The following ARMC10 variants were observed in gnomAD, a reference collection of about 807,000 sequenced individuals.
The protein encoded by ARMC10 is armadillo repeat-containing protein 10.
Under a neutral mutation model 30.2 loss-of-function variants are expected in ARMC10, and 23 were observed. The observed-to-expected ratio is 0.76, with a 90% confidence interval of 0.55 to 1.08. The LOEUF is 1.08. ARMC10 is among the 50% of genes least tolerant of loss of function. ARMC10 has a pLI of 0.00. For missense variants in ARMC10, 303 were observed against 413.7 expected (o/e 0.73, Z 2.32); for synonymous variants, 111 against 164.4 (o/e 0.68, Z 2.48).
intron 5 of ARMC10, among the ~76,000 whole-genome samples, chr7:103,093,151 C>T (rs1393292894): frequency 1.3e-5 from 2 of 152,006 alleles, no homozygotes; most frequent in Non-Finnish European, 2.9e-5. Flanking sequence ...TAGGAGATGC[C>T]CTATAAAAAG....
chr7:103,084,802 T>G (rs1461731445), intron 3 of ARMC10, among the ~76,000 whole-genome samples: 2 of 152,228 alleles, frequency 1.3e-5, no homozygotes, highest in East Asian at 1.9e-4. Context: ...TCTCTAAGCC[T>G]TCATCTCTGT....
intron 4 of ARMC10, among the ~76,000 whole-genome samples, 154 bp from the exon 5 acceptor site, chr7:103,092,323 T>C (rs1238312997): frequency 1.1e-5 from 1 of 91,524 alleles, no homozygotes; most frequent in African/African-American, 4.1e-5. Context: ...ACAGCGAGAC[T>C]CCGTCTCAAA....
At chr7:103,091,534 C>G (rs898744558) in intron 4 of ARMC10, among the ~76,000 whole-genome samples, 1 of 151,826 alleles carries the variant, frequency 6.6e-6, no homozygotes, top group Non-Finnish European at 1.5e-5. Context: ...AAATAAGAAC[C>G]TTAGGCCAAG....
chr7:103,098,608 C>T lies in ARMC10; in HGVS notation c.*55C>T, dbSNP rs1434383906. On this transcript the variant is annotated 3_prime_UTR_variant, in exon 7 of 7. Coordinates refer to ENST00000323716, the MANE Select transcript of ARMC10 (RefSeq NM_031905.5). ...GTCTGGATATAAACGTATTTTCTGT[C>T]TTCCTTATAAGGGGATTCTCCCAGC... 3 of 1,496,840 alleles carry T rather than the reference C, an allele frequency of 2.0e-6. No homozygotes were observed. The highest frequency in any genetic ancestry group is 1.8e-6 in the Non-Finnish European group (2 of 1,123,634). The allele number at this position is 1,496,840 out of a possible 1,614,324, so 92.7% of individuals were successfully genotyped here. A position where few individuals can be genotyped will look rare whatever the true frequency, so the allele number is the denominator to read the frequency against.
chr7:103,094,007 TACA>T (rs1460608031), intron 5 of ARMC10, among the ~76,000 whole-genome samples: 1 of 152,230 alleles, frequency 6.6e-6, no homozygotes, highest in Non-Finnish European at 1.5e-5. Flanking sequence ...ACCTACCAAT[TACA>T]ACATTGATTT....
intron 5 of ARMC10, chr7:103,095,714 G>C (rs1801700975): frequency 6.6e-6 from 1 of 152,138 alleles, no homozygotes; most frequent in Non-Finnish European, 1.5e-5. Context: ...ACTGGATTAA[G>C]AAAATGTGGC....
chr7:103,097,450 C>T (rs1801849665), intron 6 of ARMC10, 102 bp downstream of exon 6: 2 of 858,912 alleles, frequency 2.3e-6, no homozygotes, highest in Non-Finnish European at 3.7e-6. Context: ...CAGGGATTCT[C>T]TCTGAGGAGC....
At chr7:103,092,862 T>C (rs1269494114) in intron 5 of ARMC10, among the ~76,000 whole-genome samples, 1 of 152,226 alleles carries the variant, frequency 6.6e-6, no homozygotes, top group Non-Finnish European at 1.5e-5. Context: ...TCCTGTTCAT[T>C]TGGTTTTCTG....
At chr7:103,075,552 C>A in intron 1 of ARMC10, 141 bp downstream of exon 1, 1 of 1,070,244 alleles carries the variant, frequency 9.3e-7, no homozygotes, top group Non-Finnish European at 1.2e-6. Flanking sequence ...GTGCAGGGTG[C>A]TGCGCCGCCC....
intron 5 of ARMC10, among the ~76,000 whole-genome samples, chr7:103,095,352 C>T (rs530785544): frequency 6.6e-6 from 1 of 152,298 alleles, no homozygotes; most frequent in Non-Finnish European, 1.5e-5. Flanking sequence ...CCTTGGCCTC[C>T]CAAAGTGCTG....
intron 2 of ARMC10, among the ~76,000 whole-genome samples, chr7:103,078,006 T>A (rs1800042849): frequency 1.3e-5 from 2 of 152,046 alleles, no homozygotes; most frequent in South Asian, 4.1e-4. Flanking sequence ...ATCTTTTTCT[T>A]TTTTTTTGAG....
chr7:103,083,662 A>G lies in ARMC10; in HGVS notation c.245-20A>G, dbSNP rs1800583211. ...CGTATTGATTTTAGCTTAACTTCAA[A>G]TAACTTTCTTCTTATGCAGAAGACT... On this transcript the variant is annotated intron_variant, in intron 2 of 6. Transcript: ENST00000323716. The G allele has an allele frequency of 4.4e-6, 7 of 1,594,534 alleles. No individual in the cohort carries two copies. The highest frequency in any genetic ancestry group is 4.3e-6 in the Non-Finnish European group (5 of 1,169,416).
intron 3 of ARMC10, among the ~76,000 whole-genome samples, chr7:103,085,442 C>T (rs1585747912): frequency 6.6e-6 from 1 of 152,026 alleles, no homozygotes; most frequent in East Asian, 1.9e-4. Context: ...AATAGCATGT[C>T]TTCACTTGAC....
At chr7:103,092,057 G>C (rs555885836) in intron 4 of ARMC10, among the ~76,000 whole-genome samples, 9 of 152,306 alleles carry the variant, frequency 5.9e-5, no homozygotes, top group Admixed American at 5.9e-4. Flanking sequence ...TTTTGGCCGG[G>C]CACAGTGGCT....
chr7:103,075,952 G>C (rs1041185168), intron 2 of ARMC10, 71 bp downstream of exon 2: 1 of 1,199,524 alleles, frequency 8.3e-7, no homozygotes, highest in East Asian at 2.8e-5. Flanking sequence ...TGCATGATTC[G>C]GTTTCTGTCC....
chr7:103,088,575 C>T, intron 4 of ARMC10: 1 of 157,220 alleles, frequency 6.4e-6, no homozygotes. Flanking sequence ...AAGAAACTCA[C>T]TGGATCAAAT....
At chr7:103,098,262 A>C (rs957047764) in intron 6 of ARMC10, 37 bp from the exon 7 acceptor site, 56 of 1,286,606 alleles carry the variant, frequency 4.4e-5, no homozygotes, top group Non-Finnish European at 5.3e-5. Context: ...TTCATATATT[A>C]TTAATATAAA....
At chr7:103,075,489 T>G (rs557497443) in intron 1 of ARMC10, 78 bp downstream of exon 1, 1 of 1,238,604 alleles carries the variant, frequency 8.1e-7, no homozygotes, top group Non-Finnish European at 1.0e-6. Context: ...GGCTTGCGTG[T>G]GCTCGGGGTA....
At chr7:103,081,843 GAGCC>G in intron 2 of ARMC10, 1 of 456,150 alleles carries the variant, frequency 2.2e-6, no homozygotes, top group Non-Finnish European at 4.4e-6. Context: ...GGAAACTCTG[GAGCC>G]AGTTACAGTA....
Sources: allele counts gnomAD v4.1 joint callset (sites outside exome capture counted in the v4.1 genomes callset), GRCh38; gene constraint gnomAD v4.1.1; transcripts MANE v1.5; gene names NCBI Gene and HGNC (gene_info 2026-07-23, HGNC 2026-07-21).